The following RGS22 variants were observed in gnomAD, a reference collection of about 807,000 sequenced individuals.
RGS22 encodes regulator of G-protein signaling 22.
A neutral mutation model predicts 172.9 loss-of-function variants in RGS22; 148 were observed. The observed-to-expected ratio is 0.86, with a 90% CI of 0.75 to 0.98. RGS22 has a LOEUF of 0.98. Ranked by LOEUF, RGS22 falls within the 50% of genes least tolerant of loss-of-function variation. The pLI is 0.00. For synonymous variants in RGS22, 458 were observed against 480.2 expected, an observed-to-expected ratio of 0.95 and a Z score of 0.60; for missense variants, 1,347 against 1,440.8, an observed-to-expected ratio of 0.93 and a Z score of 1.05.
chr8:100,094,930 CA>C (rs1812847979), intron 2 of RGS22, among the ~76,000 whole-genome samples: 1 of 152,208 alleles, frequency 6.6e-6, no homozygotes, highest in Non-Finnish European at 1.5e-5. Flanking sequence ...CAGATGTGAA[CA>C]GTGAATAGCT....
At chr8:99,999,957 C>G (rs1814850576) in intron 18 of RGS22, among the ~76,000 whole-genome samples, 1 of 152,152 alleles carries the variant, frequency 6.6e-6, no homozygotes, top group Non-Finnish European at 1.5e-5. Context: ...GCACCCAGAA[C>G]AGTGCAGTTG....
At chr8:99,968,332 A>G (rs186282859) in intron 23 of RGS22, among the ~76,000 whole-genome samples, 141 of 152,302 alleles carry the variant, frequency 9.3e-4, no homozygotes, top group African/African-American at 3.1e-3. Flanking sequence ...TCTCCTCCAA[A>G]GGATTGCAGC....
At chr8:100,068,289 C>T (rs143143686) in intron 6 of RGS22, among the ~76,000 whole-genome samples, 110 of 152,022 alleles carry the variant, frequency 7.2e-4, no homozygotes, top group Admixed American at 2.6e-3. Context: ...GAGGCTGAGG[C>T]GGGAGAATCG....
Position 100,052,917 on chromosome 8 carries a change from T to C in RGS22, c.1574A>G (p.Lys525Arg), listed in dbSNP as rs372035043. ...ASTKYASAEL[K>R]FWHLRQAKPR... ...TTTTGCTTGACGGAGGTGCCAGAAT[T>C]TCAGTTCAGCACTAGCATATTTTGT... The change falls in exon 10 of 28, where the codon AAA (lysine) becomes AGA (arginine). Residue 525 changes from lysine (K) to arginine (R), a missense_variant. Transcript: ENST00000360863. 3 of 1,614,028 alleles carry C rather than the reference T, an allele frequency of 1.9e-6. No homozygotes were observed. The highest frequency in any genetic ancestry group is 2.5e-6 in the Non-Finnish European group (3 of 1,179,984).
chr8:100,072,154 A>G lies in RGS22; in HGVS notation c.416T>C (p.Phe139Ser), dbSNP rs757372878. The G allele has an allele frequency of 2.5e-6, 4 of 1,590,262 alleles. No homozygotes were observed. Among genetic ancestry groups the G allele is most frequent in the Non-Finnish European group, 2.6e-6 (3 of 1,164,488 alleles). Residue 139 changes from phenylalanine to serine, a missense_variant, in exon 5 of 28, where the codon TTT becomes TCT. Coordinates refer to ENST00000360863, the MANE Select transcript of RGS22 (RefSeq NM_015668.5). ...LPAFLESDCYFEYRLAKLVSQ... is the reference protein window; with the variant it reads ...LPAFLESDCYSEYRLAKLVSQ... ...GATGGGACTATAGTACCTGTATTCA[A>G]AGTAACAATCACTTTCCAGAAATGC...
intron 12 of RGS22, among the ~76,000 whole-genome samples, 180 bp from the exon 13 acceptor site, chr8:100,040,267 T>C (rs1819965050): frequency 6.6e-6 from 1 of 152,240 alleles, no homozygotes; most frequent in Non-Finnish European, 1.5e-5. Flanking sequence ...ATAAGATTCA[T>C]TTGTGGAGCC....
chr8:100,067,284 A>C (rs1810599620), intron 6 of RGS22, among the ~76,000 whole-genome samples: 1 of 152,332 alleles, frequency 6.6e-6, no homozygotes, highest in East Asian at 1.9e-4. Context: ...GGTGGCATCT[A>C]TGTAGTCACC....
At chr8:100,010,053 CA>C (rs1217799608) in intron 14 of RGS22, among the ~76,000 whole-genome samples, 2 of 152,192 alleles carry the variant, frequency 1.3e-5, no homozygotes, top group Non-Finnish European at 2.9e-5. Flanking sequence ...TCAAATTTTA[CA>C]TTCAAATACA....
chr8:100,025,588 C>T (rs1020429112), intron 14 of RGS22, among the ~76,000 whole-genome samples: 7 of 152,062 alleles, frequency 4.6e-5, no homozygotes, highest in African/African-American at 1.4e-4. Flanking sequence ...GAACTTAGCT[C>T]GTGACACTTT....
In RGS22 at chr8:100,063,481, T is replaced by C; in HGVS notation, c.1287A>G (p.Arg429=). The change falls in exon 8 of 28, where the codon AGA becomes AGG. Residue 429 remains arginine (R), a synonymous_variant. Transcript: ENST00000360863. ...CAATATCCATCCATAGCCACCAATATCTCTCTCCCAATGTACCTTTTATAA... is the reference window on the plus strand; with the variant it reads ...CAATATCCATCCATAGCCACCAATACCTCTCTCCCAATGTACCTTTTATAA... ...KKFIKGTLGE[R]YWWLWMDIER... The C allele has an allele frequency of 6.2e-7, 1 of 1,613,218 alleles. No individual in the cohort carries two copies. The highest frequency in any genetic ancestry group is 1.1e-5 in the South Asian group (1 of 91,000).
At chr8:99,976,146 C>T (rs1811905174) in intron 23 of RGS22, among the ~76,000 whole-genome samples, 1 of 151,940 alleles carries the variant, frequency 6.6e-6, no homozygotes, top group African/African-American at 2.4e-5. Context: ...GCTGAGATTG[C>T]ACCACTGCAC....
At chr8:100,102,684 G>A (rs1813592577) in intron 2 of RGS22, among the ~76,000 whole-genome samples, 1 of 152,170 alleles carries the variant, frequency 6.6e-6, no homozygotes, top group African/African-American at 2.4e-5. Context: ...TGAAATAGAT[G>A]GGGAAGGGCA....
In RGS22 at chr8:100,047,451, AG is replaced by A; in HGVS notation, c.1823+11del. Reference sequence around the variant, plus strand: ...GCAGAAAAGCACTTAACACACAAAAAGTTGCACCTACCCTTTCTCAATCACA... The same window carrying A: ...GCAGAAAAGCACTTAACACACAAAAATTGCACCTACCCTTTCTCAATCACA... On this transcript the variant is annotated intron_variant, in intron 11 of 27. Coordinates refer to ENST00000360863, the MANE Select transcript of RGS22 (RefSeq NM_015668.5). The A allele has an allele frequency of 1.3e-6, 2 of 1,580,482 alleles. No homozygotes were observed. Among genetic ancestry groups the A allele is most frequent in the Non-Finnish European group, 1.7e-6 (2 of 1,169,358 alleles).
At chr8:100,082,750 T>C (rs975225723) in intron 3 of RGS22, among the ~76,000 whole-genome samples, 3 of 151,974 alleles carry the variant, frequency 2.0e-5, no homozygotes, top group Non-Finnish European at 4.4e-5. Flanking sequence ...TACTGACCAC[T>C]TCTCTACACC....
intron 14 of RGS22, among the ~76,000 whole-genome samples, chr8:100,023,323 G>T (rs1817820088): frequency 6.6e-6 from 1 of 152,190 alleles, no homozygotes; most frequent in East Asian, 1.9e-4. Context: ...AGACAGCTTA[G>T]GACAGTACTT....
chr8:100,073,957 A>C (rs1811165526), intron 4 of RGS22, among the ~76,000 whole-genome samples: 1 of 152,230 alleles, frequency 6.6e-6, no homozygotes. Flanking sequence ...CTAAATACAA[A>C]GACCAAAAAC....
chr8:100,039,299 G>A (rs1819851265), intron 13 of RGS22, among the ~76,000 whole-genome samples: 1 of 151,872 alleles, frequency 6.6e-6, no homozygotes, highest in Non-Finnish European at 1.5e-5. Flanking sequence ...TTAAAGAGTA[G>A]CCATGTATTT....
intron 9 of RGS22, among the ~76,000 whole-genome samples, chr8:100,054,064 A>C (rs1303858281): frequency 6.6e-6 from 1 of 152,246 alleles, no homozygotes; most frequent in Non-Finnish European, 1.5e-5. Context: ...GACCAACATT[A>C]CTGACAGAAA....
At chr8:100,074,722 G>A (rs978670543) in intron 4 of RGS22, among the ~76,000 whole-genome samples, 1 of 151,900 alleles carries the variant, frequency 6.6e-6, no homozygotes, top group Non-Finnish European at 1.5e-5. Flanking sequence ...AGCAACTATA[G>A]ACGTTTACAT....
Sources: gnomAD v4.1 joint callset for allele counts (sites outside exome capture counted in the v4.1 genomes callset) on GRCh38, gnomAD v4.1.1 for gene constraint, MANE v1.5 for transcripts, NCBI Gene and HGNC (gene_info 2026-07-23, HGNC 2026-07-21) for gene names.